SPOCK3: variants seen among roughly 807,000 people sequenced by gnomAD.
SPOCK3 encodes the protein SPARC (osteonectin), cwcv and kazal like domains proteoglycan 3, also known as testican-3.
A neutral mutation model predicts 56.6 loss-of-function variants in SPOCK3; 30 were observed. The observed-to-expected ratio is 0.53, with a 90% confidence interval of 0.40 to 0.72. The LOEUF (loss-of-function observed/expected upper bound fraction) is 0.72, where lower values mean the gene tolerates loss of function less well. Among genes scored for constraint, SPOCK3 ranks in the 30% least tolerant of loss-of-function variants. The pLI is 0.00. For missense variants in SPOCK3, 527 were observed against 530.0 expected (o/e 0.99, Z 0.06); for synonymous variants, 196 against 183.3 (o/e 1.07, Z -0.56).
chr4:166,970,863 A>G (rs957707396), intron 4 of SPOCK3, among the ~76,000 whole-genome samples: 2 of 152,170 alleles, frequency 1.3e-5, no homozygotes, highest in African/African-American at 2.4e-5. Context: ...AACTCCAACT[A>G]CAGTCATATG....
intron 6 of SPOCK3, among the ~76,000 whole-genome samples, chr4:166,869,385 C>T (rs1003734638): frequency 6.6e-6 from 1 of 152,056 alleles, no homozygotes; most frequent in African/African-American, 2.4e-5. Flanking sequence ...CCAAACTAAA[C>T]CCTCAAGGAG....
At chr4:166,970,662 C>A (rs913689324) in intron 4 of SPOCK3, among the ~76,000 whole-genome samples, 1 of 151,548 alleles carries the variant, frequency 6.6e-6, no homozygotes, top group Non-Finnish European at 1.5e-5. Context: ...GAGGTGGAGG[C>A]TGCAGTGAAC....
intron 4 of SPOCK3, among the ~76,000 whole-genome samples, chr4:166,943,895 C>T (rs1166156390): frequency 6.6e-6 from 1 of 152,090 alleles, no homozygotes; most frequent in East Asian, 1.9e-4. Context: ...CCTGTAATCC[C>T]AGCACTTTGG....
At chr4:166,817,150 G>T (rs1329356226) in intron 6 of SPOCK3, among the ~76,000 whole-genome samples, 2 of 152,040 alleles carry the variant, frequency 1.3e-5, no homozygotes, top group Non-Finnish European at 2.9e-5. Context: ...GATTCACAGG[G>T]CAATGTGATA....
chr4:166,912,844 A>T, intron 4 of SPOCK3, 101 bp from the exon 5 acceptor site: 1 of 906,658 alleles, frequency 1.1e-6, no homozygotes, highest in African/African-American at 1.7e-5. Flanking sequence ...ACTCCTGAAG[A>T]TACATTAGAA....
At chr4:166,823,679 T>G (rs192437577) in intron 6 of SPOCK3, among the ~76,000 whole-genome samples, 1 of 152,220 alleles carries the variant, frequency 6.6e-6, no homozygotes, top group East Asian at 1.9e-4. Context: ...TTTGTGAATA[T>G]GCATTGCATC....
At chr4:167,201,254 A>G (rs1285055480) in intron 2 of SPOCK3, among the ~76,000 whole-genome samples, 1 of 152,088 alleles carries the variant, frequency 6.6e-6, no homozygotes, top group Non-Finnish European at 1.5e-5. Flanking sequence ...AGTAACAACT[A>G]TGATTACTGT....
chr4:167,036,218 G>A (rs1204290494), intron 3 of SPOCK3, among the ~76,000 whole-genome samples: 4 of 152,006 alleles, frequency 2.6e-5, no homozygotes, highest in African/African-American at 7.3e-5. Context: ...ATGCTTTTGC[G>A]ACGTGCCAAA....
chr4:167,007,417 CA>C (rs1421336881), intron 3 of SPOCK3, among the ~76,000 whole-genome samples: 12 of 152,030 alleles, frequency 7.9e-5, no homozygotes, highest in African/African-American at 2.4e-4. Flanking sequence ...TTTATTTTAT[CA>C]GTATTTTAAT....
At chr4:166,998,070 C>T (rs1748573656) in intron 4 of SPOCK3, among the ~76,000 whole-genome samples, 2 of 152,050 alleles carry the variant, frequency 1.3e-5, no homozygotes, top group South Asian at 2.1e-4. Flanking sequence ...CTTCCCTAAG[C>T]GTTGTATAAA....
intron 9 of SPOCK3, among the ~76,000 whole-genome samples, chr4:166,741,756 T>C (rs1262711648): frequency 6.6e-6 from 1 of 152,210 alleles, no homozygotes; most frequent in Non-Finnish European, 1.5e-5. Flanking sequence ...TGCTTAAATC[T>C]TTCTTTTTAC....
At chr4:166,856,804 C>CTATCTATCTATCTAGA (rs752760074) in intron 6 of SPOCK3, among the ~76,000 whole-genome samples, 51 of 150,280 alleles carry the variant, frequency 3.4e-4, no homozygotes, top group African/African-American at 8.6e-4. Context: ...ATCTATCTAT[C>CTATCTATCTATCTAGA]TATCTAGATA....
chr4:167,232,440 T>A (rs545852309), intron 2 of SPOCK3, among the ~76,000 whole-genome samples: 1 of 152,060 alleles, frequency 6.6e-6, no homozygotes, highest in Non-Finnish European at 1.5e-5. Flanking sequence ...CTTTCAAAAA[T>A]TCATTTCTAG....
In SPOCK3 at chr4:167,059,983, C is replaced by T. The variant is rs1326346453; in HGVS notation, c.235+2509G>A. On this transcript the variant is annotated intron_variant, in intron 3 of 10. Transcript: ENST00000357545. Reference sequence around the variant, plus strand: ...CACATGGACACAGGAAGGGGAACATCTCACTCTGGGACTGTTGTGGGGTGG... The same window carrying T: ...CACATGGACACAGGAAGGGGAACATTTCACTCTGGGACTGTTGTGGGGTGG... 4.7e-5 allele frequency among the ~76,000 whole-genome samples: 7 copies of T among 150,410 alleles called. No homozygotes were observed. The East Asian group carries it at 1.4e-3, about 30-fold the overall frequency.
intron 6 of SPOCK3, among the ~76,000 whole-genome samples, chr4:166,879,634 C>T (rs1179278673): frequency 6.6e-6 from 1 of 152,292 alleles, no homozygotes; most frequent in East Asian, 1.9e-4. Context: ...TCATATTTTA[C>T]ATTTGTACTG....
chr4:166,859,601 T>C (rs1411534887), intron 6 of SPOCK3, among the ~76,000 whole-genome samples: 1 of 152,150 alleles, frequency 6.6e-6, no homozygotes, highest in Non-Finnish European at 1.5e-5. Flanking sequence ...CATATGCCAG[T>C]ATATGAGCTT....
At chr4:166,752,950 T>C (rs2126483195) in intron 8 of SPOCK3, among the ~76,000 whole-genome samples, 1 of 150,616 alleles carries the variant, frequency 6.6e-6, no homozygotes, top group East Asian at 2.0e-4. Context: ...CCTCAGAGAG[T>C]AAATCTTCAT....
chr4:167,040,778 C>T (rs1753171472), intron 3 of SPOCK3, among the ~76,000 whole-genome samples: 1 of 151,994 alleles, frequency 6.6e-6, no homozygotes, highest in Non-Finnish European at 1.5e-5. Flanking sequence ...ATATGCCATT[C>T]AATGAATTTG....
At chr4:166,971,221 C>T (rs922032631) in intron 4 of SPOCK3, among the ~76,000 whole-genome samples, 1 of 151,870 alleles carries the variant, frequency 6.6e-6, no homozygotes, top group Non-Finnish European at 1.5e-5. Flanking sequence ...ATAGATTATC[C>T]CTAGGTTTTC....
Sources: gnomAD v4.1 joint callset for allele counts (sites outside exome capture counted in the v4.1 genomes callset) on GRCh38, gnomAD v4.1.1 for gene constraint, MANE v1.5 for transcripts, NCBI Gene and HGNC (gene_info 2026-07-23, HGNC 2026-07-21) for gene names.